The following COL25A1 variants were observed in gnomAD, a reference collection of about 807,000 sequenced individuals.
The protein encoded by COL25A1 is collagen type XXV alpha 1 chain.
Under a neutral mutation model 128.4 loss-of-function variants are expected in COL25A1, and 103 were observed. The ratio of observed to expected loss-of-function variants is 0.80; its 90% CI spans 0.68 to 0.94. The LOEUF is 0.94. COL25A1 is among the 40% of genes least tolerant of loss of function. The probability of loss-of-function intolerance (pLI) is 0.00; values close to 1 mark genes in which losing one functional copy is unlikely to be tolerated. For missense variants in COL25A1, 745 were observed against 840.0 expected, an observed-to-expected ratio of 0.89 and a Z score of 1.40; for synonymous variants, 279 against 277.2, an observed-to-expected ratio of 1.01 and a Z score of -0.06.
In COL25A1 at chr4:109,112,576, T is replaced by G. The variant is rs562676260; in HGVS notation, c.368-62397A>C. Among the ~76,000 whole-genome samples the G allele has an allele frequency of 1.8e-3, 279 of 152,188 alleles. 3 individuals are homozygous for G. The highest frequency in any genetic ancestry group is 6.4e-3 in the African/African-American group (268 of 41,574). ...GATTTCATTTTTTATTTTTTCAATATATCTCCTCAGTTTATATTAAATGTT... is the reference window on the plus strand; with the variant it reads ...GATTTCATTTTTTATTTTTTCAATAGATCTCCTCAGTTTATATTAAATGTT... On this transcript the variant is annotated intron_variant, in intron 3 of 37. Transcript: ENST00000399132.
At chr4:108,840,372 C>T (rs527498779) in intron 31 of COL25A1, among the ~76,000 whole-genome samples, 2 of 152,236 alleles carry the variant, frequency 1.3e-5, no homozygotes, top group South Asian at 2.1e-4. Flanking sequence ...TTCTGACCCC[C>T]CCTCCCAGAT....
At chr4:109,057,734 G>A (rs1761585180) in intron 3 of COL25A1, among the ~76,000 whole-genome samples, 1 of 152,060 alleles carries the variant, frequency 6.6e-6, no homozygotes, top group Admixed American at 6.6e-5. Flanking sequence ...TACTCCTGTG[G>A]AGAGAGGTCA....
intron 6 of COL25A1, among the ~76,000 whole-genome samples, chr4:108,984,145 A>G (rs567676515): frequency 6.6e-6 from 1 of 152,328 alleles, no homozygotes; most frequent in Non-Finnish European, 1.5e-5. Context: ...TCCCCACCAG[A>G]GTAGCTAGAT....
intron 13 of COL25A1, among the ~76,000 whole-genome samples, chr4:108,909,909 A>C (rs1666097680): frequency 6.6e-6 from 1 of 152,186 alleles, no homozygotes; most frequent in Non-Finnish European, 1.5e-5. Context: ...TGAACACCAC[A>C]GCCTCCAAGC....
At chr4:109,251,235 G>A (rs1269592436) in intron 3 of COL25A1, among the ~76,000 whole-genome samples, 1 of 152,090 alleles carries the variant, frequency 6.6e-6, no homozygotes, top group Non-Finnish European at 1.5e-5. Flanking sequence ...TTTGTAGCTG[G>A]TCATGTGGTC....
At chr4:108,874,022 T>C (rs1270673149) in intron 19 of COL25A1, among the ~76,000 whole-genome samples, 1 of 152,210 alleles carries the variant, frequency 6.6e-6, no homozygotes, top group Non-Finnish European at 1.5e-5. Flanking sequence ...CCTAAGTTTA[T>C]AGAAATATTT....
chr4:109,215,407 T>C (rs1777906620), intron 3 of COL25A1, among the ~76,000 whole-genome samples: 1 of 152,158 alleles, frequency 6.6e-6, no homozygotes, highest in Non-Finnish European at 1.5e-5. Context: ...AAAATAATCC[T>C]AGAACATATT....
rs546312247 is a variant in COL25A1, at chr4:109,213,369, C to T, written c.367+87214G>A. On this transcript the variant is annotated intron_variant, in intron 3 of 37. Coordinates refer to ENST00000399132, the MANE Select transcript of COL25A1 (RefSeq NM_198721.4). ...TCTCCTTAAATCTTAGTGGGCTCTGCGACTATTAATTGACCAACAGGATAT... is the reference window on the plus strand; with the variant it reads ...TCTCCTTAAATCTTAGTGGGCTCTGTGACTATTAATTGACCAACAGGATAT... 3.3e-5 allele frequency among the ~76,000 whole-genome samples: 5 copies of T among 152,224 alleles called. No homozygotes were observed. The East Asian group carries it at 7.7e-4, about 24-fold the overall frequency.
rs112906617 is a variant in COL25A1 at position 109,200,601 on chromosome 4, C to T, written c.367+99982G>A. ...GCCTAGCTGGGACTGCATGTGTGCA[C>T]CACCATGCCCTGCTGATTTTTTGTA... On this transcript the variant is annotated intron_variant, in intron 3 of 37. Transcript: ENST00000399132. Among the ~76,000 whole-genome samples the T allele has an allele frequency of 2.6e-3, 400 of 152,152 alleles. 1 individual carries two copies. The highest frequency in any genetic ancestry group is 4.9e-3 in the Non-Finnish European group (332 of 67,982).
At chr4:108,920,126 G>A (rs1432273637) in intron 12 of COL25A1, among the ~76,000 whole-genome samples, 1 of 152,186 alleles carries the variant, frequency 6.6e-6, no homozygotes, top group Non-Finnish European at 1.5e-5. Context: ...CAATCAGGAA[G>A]TCACTGTTCA....
intron 3 of COL25A1, among the ~76,000 whole-genome samples, chr4:109,112,470 C>T (rs1195496755): frequency 6.6e-6 from 1 of 150,564 alleles, no homozygotes; most frequent in Non-Finnish European, 1.5e-5. Flanking sequence ...TGTTTATTTG[C>T]TTTTTAAAAT....
intron 5 of COL25A1, among the ~76,000 whole-genome samples, chr4:109,045,652 G>T (rs754444341): frequency 3.3e-4 from 50 of 152,088 alleles, no homozygotes; most frequent in Non-Finnish European, 1.3e-4. Flanking sequence ...CCATGATATT[G>T]GGTCCTAAGT....
intron 3 of COL25A1, among the ~76,000 whole-genome samples, chr4:109,197,638 T>A (rs1776231711): frequency 6.7e-6 from 1 of 149,998 alleles, no homozygotes; most frequent in African/African-American, 2.5e-5. Context: ...AGCCTGTAAC[T>A]TATTTTCATA....
intron 3 of COL25A1, among the ~76,000 whole-genome samples, chr4:109,224,777 TA>T (rs1216319932): frequency 2.0e-5 from 3 of 151,984 alleles, no homozygotes; most frequent in Non-Finnish European, 4.4e-5. Context: ...CCATCTCTAC[TA>T]AAAATACAAA....
chr4:109,283,738 T>C (rs1723607501), intron 3 of COL25A1, among the ~76,000 whole-genome samples: 1 of 152,202 alleles, frequency 6.6e-6, no homozygotes, highest in Non-Finnish European at 1.5e-5. Flanking sequence ...TACTAACGTT[T>C]CTTCCCCTTC....
At chr4:109,052,576 G>T (rs1330295145) in intron 3 of COL25A1, among the ~76,000 whole-genome samples, 1 of 152,136 alleles carries the variant, frequency 6.6e-6, no homozygotes, top group Non-Finnish European at 1.5e-5. Context: ...TCAGAAAACT[G>T]CAGGGAGCAT....
intron 8 of COL25A1, among the ~76,000 whole-genome samples, chr4:108,949,574 C>A (rs1749158369): frequency 6.6e-6 from 1 of 151,704 alleles, no homozygotes; most frequent in Non-Finnish European, 1.5e-5. Context: ...CACTCTGTCA[C>A]CCAGACTGGA....
At chr4:109,276,765 A>G (rs946892741) in intron 3 of COL25A1, among the ~76,000 whole-genome samples, 5 of 152,188 alleles carry the variant, frequency 3.3e-5, no homozygotes, top group African/African-American at 1.2e-4. Context: ...CATGAAAAGA[A>G]AGCCATTTTT....
At chr4:108,886,123 T>C (rs1355495995) in intron 18 of COL25A1, among the ~76,000 whole-genome samples, 1 of 152,194 alleles carries the variant, frequency 6.6e-6, no homozygotes, top group African/African-American at 2.4e-5. Context: ...TAAATGTATT[T>C]TTTAGTGAAC....
Sources: gnomAD v4.1 joint callset for allele counts (sites outside exome capture counted in the v4.1 genomes callset) on GRCh38, gnomAD v4.1.1 for gene constraint, MANE v1.5 for transcripts, NCBI Gene and HGNC (gene_info 2026-07-23, HGNC 2026-07-21) for gene names.